Variants in MEF2D observed in about 807,000 individuals in gnomAD.
MEF2D encodes myocyte enhancer factor 2D.
In MEF2D, 10 loss-of-function variants were observed where a neutral mutation model predicts 59.3. The observed-to-expected ratio is 0.17, with a 90% CI of 0.10 to 0.29. The LOEUF is 0.29. MEF2D is among the 10% of genes least tolerant of loss of function. The probability of loss-of-function intolerance (pLI) is 1.00; values close to 1 mark genes in which losing one functional copy is unlikely to be tolerated. For missense variants in MEF2D, 508 were observed against 699.4 expected, an observed-to-expected ratio of 0.73 and a Z score of 3.09; for synonymous variants, 305 against 295.0, an observed-to-expected ratio of 1.03 and a Z score of -0.35.
Position 156,464,886 on chromosome 1 carries a change from GC to G in MEF2D, c.*2758del, listed in dbSNP as rs1670747127. On this transcript the variant is annotated 3_prime_UTR_variant, in exon 12 of 12. Coordinates refer to ENST00000348159, the MANE Select transcript of MEF2D (RefSeq NM_005920.4). ...CCGTGTTTAATGGTGGCCAAGCCCA[GC>G]CTAGAAAGGTGGGCAGACTAATGGT... is the stretch of plus-strand genomic sequence containing the variant. 3 of 152,218 alleles carry G rather than the reference GC, an allele frequency of 2.0e-5. No homozygotes were observed. Among genetic ancestry groups the G allele is most frequent in the Admixed American group, 2.0e-4 (3 of 15,272 alleles). The allele number at this position is 152,218 out of a possible 1,614,324, so 9.4% of individuals were successfully genotyped here.
rs141546523 is a variant in MEF2D at position 156,488,244 on chromosome 1, T to C, written c.-138-4814A>G. On this transcript the variant is annotated intron_variant, in intron 1 of 11. Transcript: ENST00000348159. ...GGAGAAGCAAAGATGGGCAGGACAT[T>C]TGGCAATGCCCACCCATATCTGTTC... 1.4e-4 allele frequency among the ~76,000 whole-genome samples: 22 copies of C among 152,256 alleles called. No individual in the cohort carries two copies. The East Asian group carries it at 3.9e-3, about 27-fold the overall frequency.
At position 156,468,918 on chromosome 1, in the gene MEF2D, G is replaced by T; in HGVS notation, c.1109C>A (p.Pro370His). The change falls in exon 10 of 12, where the codon CCC (proline) becomes CAC (histidine). Residue 370 changes from proline to histidine, a missense_variant. Transcript: ENST00000348159. This position sits in a 1 kb window ranked among gnomAD's most constrained non-coding sequence, Gnocchi z 4.3. ...AGGCTGTGGCTGCTGCGGCTGCTGG[G>T]GCTGCTGTGGCTGTTGCCAGGCAGT... ...NVTAWQQPQQ[P>H]QQPQQPQPPQ... The T allele has an allele frequency of 4.3e-6, 7 of 1,613,460 alleles. No individual in the cohort carries two copies. Among genetic ancestry groups the T allele is most frequent in the Non-Finnish European group, 5.9e-6 (7 of 1,179,800 alleles).
intron 9 of MEF2D, among the ~76,000 whole-genome samples, chr1:156,473,337 G>C (rs1169447340): frequency 6.6e-6 from 1 of 152,146 alleles, no homozygotes; most frequent in East Asian, 1.9e-4. Context: ...TTTTACATGT[G>C]GGGAGGAGGT....
chr1:156,488,539 A>G (rs960160169), intron 1 of MEF2D, among the ~76,000 whole-genome samples: 1 of 152,178 alleles, frequency 6.6e-6, no homozygotes, highest in African/African-American at 2.4e-5. Flanking sequence ...CATTTTTCCA[A>G]TCCCAGGTAC....
At chr1:156,495,762 CA>C (rs372092331) in intron 1 of MEF2D, among the ~76,000 whole-genome samples, 26 of 78,010 alleles carry the variant, frequency 3.3e-4, no homozygotes, top group Admixed American at 7.6e-4. Flanking sequence ...GACCAGGGGG[CA>C]AAAAAAAAAA....
intron 8 of MEF2D, among the ~76,000 whole-genome samples, chr1:156,476,074 C>A (rs1671554152): frequency 1.3e-5 from 2 of 152,172 alleles, no homozygotes; most frequent in South Asian, 4.1e-4. Context: ...TAAGAAGGAT[C>A]CTGTCCTGGA....
chr1:156,484,960 T>C (rs2102166883), intron 1 of MEF2D, among the ~76,000 whole-genome samples: 1 of 152,274 alleles, frequency 6.6e-6, no homozygotes, highest in South Asian at 2.1e-4. Context: ...AAAGTGGAGC[T>C]TTCTGGAAGA....
chr1:156,472,341 T>C (rs929896156), intron 9 of MEF2D, among the ~76,000 whole-genome samples: 3 of 152,228 alleles, frequency 2.0e-5, no homozygotes, highest in African/African-American at 4.8e-5. Context: ...AGCAGCCATC[T>C]GTGAAGTTGC....
intron 1 of MEF2D, among the ~76,000 whole-genome samples, chr1:156,498,217 C>A (rs1243001533): frequency 1.8e-4 from 27 of 151,842 alleles, no homozygotes; most frequent in Admixed American, 7.9e-4. Context: ...GGGGGCAGAG[C>A]CAGGATGCCC....
intron 9 of MEF2D, among the ~76,000 whole-genome samples, chr1:156,469,553 C>T (rs969373391): frequency 4.0e-5 from 6 of 149,528 alleles, no homozygotes; most frequent in Middle Eastern, 3.2e-3. Flanking sequence ...CCACCGCATC[C>T]GACCAAGAGG....
At position 156,466,369 on chromosome 1, in the gene MEF2D, T is replaced by C; in HGVS notation, c.*1276A>G. On this transcript the variant is annotated 3_prime_UTR_variant, in exon 12 of 12. Transcript: ENST00000348159. ...CAAAGGTCGCTATTTACAATTACAG[T>C]AGCCAAGAGGGAAGGTGGGATGCAG... 6.6e-6 allele frequency: 1 copy of C among 152,662 alleles called. No individual in the cohort carries two copies. The allele number at this position is 152,662 out of a possible 1,614,324, so 9.5% of individuals were successfully genotyped here.
Position 156,483,322 on chromosome 1 carries a change from G to T in MEF2D, c.-30C>A, listed in dbSNP as rs1306688557. The T allele has an allele frequency of 3.7e-6, 6 of 1,611,600 alleles. No individual in the cohort carries two copies. In the Admixed American group the frequency reaches 8.3e-5, roughly 22 times the overall value. ...TCCGGGGGTCCTCAGTGCTACGGAG[G>T]GGAGGGGCTCGCTGGGTGGTGGGTC... On this transcript the variant is annotated 5_prime_UTR_variant, in exon 2 of 12. Transcript: ENST00000348159.
At chr1:156,480,566 C>T (rs1671930350) in intron 4 of MEF2D, 1 of 1,424,684 alleles carries the variant, frequency 7.0e-7, no homozygotes, top group Non-Finnish European at 9.4e-7. Flanking sequence ...GCGGAGCACC[C>T]ATCAGGGCAG....
At chr1:156,491,699 G>T (rs549580564) in intron 1 of MEF2D, among the ~76,000 whole-genome samples, 1 of 152,326 alleles carries the variant, frequency 6.6e-6, no homozygotes, top group South Asian at 2.1e-4. Flanking sequence ...TTTGGTCCCT[G>T]GTGGGACCAG....
At chr1:156,482,774 C>A in intron 2 of MEF2D, 134 bp from the exon 3 acceptor site, 1 of 806,712 alleles carries the variant, frequency 1.2e-6, no homozygotes, top group Admixed American at 2.2e-5. Flanking sequence ...CCCCTGGTCT[C>A]AGGAGTCCCT....
intron 9 of MEF2D, among the ~76,000 whole-genome samples, chr1:156,470,516 C>T (rs1303530611): frequency 6.6e-6 from 1 of 152,102 alleles, no homozygotes; most frequent in African/African-American, 2.4e-5. Context: ...ACCCCTCAAT[C>T]ATCCCAATAC....
intron 9 of MEF2D, among the ~76,000 whole-genome samples, chr1:156,473,580 G>C (rs541305076): frequency 1.3e-5 from 2 of 152,176 alleles, no homozygotes; most frequent in East Asian, 3.9e-4. Context: ...TTCCTTACTG[G>C]CAAGTCCTTC....
chr1:156,488,931 C>G (rs1462416681), intron 1 of MEF2D, among the ~76,000 whole-genome samples: 1 of 152,100 alleles, frequency 6.6e-6, no homozygotes, highest in African/African-American at 2.4e-5. Flanking sequence ...ACCTACCTGT[C>G]CTTCTCCCCT....
chr1:156,468,894 GGCTGTGGCTGCTGCGGCTGCTGGGGCT>G lies in MEF2D; in HGVS notation c.1106_1132del (p.Gln369_Gln377del), dbSNP rs753918324. On this transcript the variant is annotated inframe_deletion, in exon 10 of 12. Coordinates refer to ENST00000348159, the MANE Select transcript of MEF2D (RefSeq NM_005920.4). This position sits in a 1 kb window ranked among gnomAD's most constrained non-coding sequence, Gnocchi z 4.3. ...TGGCTGCGGTGGCTGCTGCTGTGGA[GGCTGTGGCTGCTGCGGCTGCTGGGGCT>G]GCTGTGGCTGTTGCCAGGCAGTGAC... The G allele has an allele frequency of 5.6e-6, 9 of 1,613,404 alleles. No individual in the cohort carries two copies. In the South Asian group the frequency reaches 9.9e-5, roughly 18 times the overall value.
Sources: allele counts gnomAD v4.1 joint callset (sites outside exome capture counted in the v4.1 genomes callset), GRCh38; gene constraint gnomAD v4.1.1; non-coding constraint Gnocchi (gnomAD v3.1); transcripts MANE v1.5; gene names NCBI Gene and HGNC (gene_info 2026-07-23, HGNC 2026-07-21).